SLC8A1: variants seen among roughly 807,000 people sequenced by gnomAD.
SLC8A1 encodes the protein solute carrier family 8 member A1, also known as sodium/calcium exchanger 1.
In SLC8A1, 18 loss-of-function variants were observed where a neutral mutation model predicts 68.3. That is an observed-to-expected ratio of 0.26 (90% CI 0.18 to 0.39). The LOEUF (loss-of-function observed/expected upper bound fraction) is 0.39, where lower values mean the gene tolerates loss of function less well. Ranked by LOEUF, SLC8A1 falls within the 10% of genes least tolerant of loss-of-function variation. The pLI is 1.00. For missense variants in SLC8A1, 985 were observed against 1,156.7 expected (o/e 0.85, Z 2.15); for synonymous variants, 475 against 415.5 (o/e 1.14, Z -1.74).
intron 6 of SLC8A1, among the ~76,000 whole-genome samples, chr2:40,145,039 T>G (rs762836835): frequency 2.0e-5 from 3 of 152,174 alleles, no homozygotes; most frequent in Non-Finnish European, 4.4e-5. Flanking sequence ...TATCTGCTAT[T>G]TTGTATCCTT....
intron 5 of SLC8A1, among the ~76,000 whole-genome samples, chr2:40,162,477 T>C (rs1477622139): frequency 6.6e-6 from 1 of 152,158 alleles, no homozygotes; most frequent in African/African-American, 2.4e-5. Context: ...TTCTCTAACA[T>C]TGAGCACAGA....
intron 5 of SLC8A1, 130 bp downstream of exon 8, chr2:40,164,724 A>G: frequency 2.3e-6 from 3 of 1,288,190 alleles, no homozygotes; most frequent in Non-Finnish European, 3.2e-6. Context: ...AAGGCTCTCA[A>G]TTCACAAGCC....
chr2:40,121,546 T>G (rs1388808446), intron 7 of SLC8A1, among the ~76,000 whole-genome samples: 1 of 152,110 alleles, frequency 6.6e-6, no homozygotes, highest in Non-Finnish European at 1.5e-5. Context: ...TTAAACCCTA[T>G]TCCAGCTACC....
intron 1 of SLC8A1, among the ~76,000 whole-genome samples, chr2:40,501,735 T>C (rs570596029): frequency 5.3e-5 from 8 of 151,970 alleles, no homozygotes; most frequent in African/African-American, 1.9e-4. Context: ...CTTTTGGGAG[T>C]TGCCCCTTGC....
Position 40,378,184 on chromosome 2 carries a change from A to T in SLC8A1, c.1808+50289T>A, listed in dbSNP as rs189268488. ...AAGAAAAACCACTGAAATGCCTAGT[A>T]TATTTCATATTGATAAGTGCTCAGG... On this transcript the variant is annotated intron_variant, in intron 2 of 7. Coordinates refer to ENST00000406785, the Ensembl canonical transcript of SLC8A1. Among the ~76,000 whole-genome samples the T allele has an allele frequency of 4.6e-5, 7 of 152,242 alleles. No individual in the cohort carries two copies. In the East Asian group the frequency reaches 1.4e-3, roughly 30 times the overall value.
intron 2 of SLC8A1, among the ~76,000 whole-genome samples, chr2:40,305,605 T>G (rs535819167): frequency 1.3e-5 from 2 of 152,162 alleles, no homozygotes; most frequent in Non-Finnish European, 2.9e-5. Context: ...CTCAATAAGT[T>G]TGTTAGATAC....
intron 2 of SLC8A1, among the ~76,000 whole-genome samples, chr2:40,203,927 G>C (rs2054886889): frequency 6.6e-6 from 1 of 151,824 alleles, no homozygotes; most frequent in Non-Finnish European, 1.5e-5. Flanking sequence ...TGTTACTCAA[G>C]CTGGTCTCAA....
At chr2:40,475,838 ATTACCTAAGCC>A (rs938428359) in intron 1 of SLC8A1, among the ~76,000 whole-genome samples, 1 of 152,186 alleles carries the variant, frequency 6.6e-6, no homozygotes, top group Non-Finnish European at 1.5e-5. Context: ...CTCTTAGATC[ATTACCTAAGCC>A]CTAGATTCTC....
In SLC8A1 at chr2:40,373,556, T is replaced by G. The variant is rs1678841396; in HGVS notation, c.1808+54917A>C. The stretch of plus-strand genomic sequence containing the variant: ...GTATCTATTTTAAGCTAGGCATTTT[T>G]CAAGTTTTTTTACTTACATAACCCT... On this transcript the variant is annotated intron_variant, in intron 2 of 7. Coordinates refer to ENST00000406785, the Ensembl canonical transcript of SLC8A1. 2.6e-5 allele frequency among the ~76,000 whole-genome samples: 4 copies of G among 152,240 alleles called. No homozygotes were observed. In the South Asian group the frequency reaches 8.3e-4, roughly 32 times the overall value.
intron 1 of SLC8A1, among the ~76,000 whole-genome samples, chr2:40,474,107 A>C (rs1417765625): frequency 6.6e-6 from 1 of 152,170 alleles, no homozygotes. Flanking sequence ...CTCTCAATAG[A>C]CTATCTCCTT....
intron 2 of SLC8A1, among the ~76,000 whole-genome samples, chr2:40,183,477 C>G (rs556069205): frequency 1.3e-5 from 2 of 152,170 alleles, no homozygotes; most frequent in African/African-American, 2.4e-5. Context: ...TTAAAAAGAG[C>G]GATGAGCATG....
intron 2 of SLC8A1, among the ~76,000 whole-genome samples, chr2:40,325,441 C>A (rs1298614390): frequency 6.6e-6 from 1 of 152,128 alleles, no homozygotes. Context: ...AAAGGCTAGG[C>A]ATAATGACTA....
intron 2 of SLC8A1, among the ~76,000 whole-genome samples, chr2:40,242,383 C>A (rs553184571): frequency 6.6e-6 from 1 of 152,102 alleles, no homozygotes; most frequent in East Asian, 1.9e-4. Context: ...ATGGTGAAAT[C>A]GCTTTGTGTA....
At chr2:40,103,236 TTTTC>T (rs2034004521) in exon 8 of SLC8A1, 1 of 152,200 alleles carries the variant, frequency 6.6e-6, no homozygotes, top group Non-Finnish European at 1.5e-5. Flanking sequence ...TATGGTTGCT[TTTTC>T]TTTCTTCTTT....
chr2:40,452,035 A>AGGCGGC (rs961751717), exon 1 of SLC8A1: 13 of 151,042 alleles, frequency 8.6e-5, no homozygotes, highest in South Asian at 6.1e-4. Context: ...AGCACAAAGC[A>AGGCGGC]GGCGGCGGCG....
chr2:40,332,474 T>C (rs968392378), intron 2 of SLC8A1, among the ~76,000 whole-genome samples: 2 of 152,126 alleles, frequency 1.3e-5, no homozygotes, highest in African/African-American at 4.8e-5. Flanking sequence ...TGTATCTTTA[T>C]CCCGTGAGTT....
chr2:40,190,128 T>A (rs1290648195), intron 2 of SLC8A1, among the ~76,000 whole-genome samples: 2 of 152,224 alleles, frequency 1.3e-5, no homozygotes, highest in South Asian at 2.1e-4. Flanking sequence ...AAATTCTTCA[T>A]GCTAAATCAC....
intron 1 of SLC8A1, 110 bp from the exon 2 acceptor site, chr2:40,430,414 T>G: frequency 8.3e-7 from 1 of 1,204,332 alleles, no homozygotes; most frequent in Non-Finnish European, 1.1e-6. Flanking sequence ...AATTTGTTTA[T>G]ATTTGACCAT....
At chr2:40,160,810 T>C (rs2045542982) in exon 6 of SLC8A1, 1 of 1,613,306 alleles carries the variant, frequency 6.2e-7, no homozygotes, top group East Asian at 2.2e-5. Context: ...CTCCAGCTGT[T>C]AGTCCCAACC....
Sources: gnomAD v4.1 joint callset for allele counts (sites outside exome capture counted in the v4.1 genomes callset) on GRCh38, gnomAD v4.1.1 for gene constraint, MANE v1.5 for transcripts, NCBI Gene and HGNC (gene_info 2026-07-23, HGNC 2026-07-21) for gene names.